ZFHX3: variants seen among roughly 807,000 people sequenced by gnomAD.
The protein encoded by ZFHX3 is zinc finger homeobox protein 3.
ZFHX3 carries 42 observed loss-of-function variants against 279.1 expected under a neutral mutation model. That is an observed-to-expected ratio of 0.15 (90% CI 0.12 to 0.19). The LOEUF (loss-of-function observed/expected upper bound fraction) is 0.19. Ranked by LOEUF, ZFHX3 falls within the 10% of genes least tolerant of loss-of-function variation. The pLI, the probability that ZFHX3 is intolerant of heterozygous loss-of-function variation, is 1.00. For missense variants in ZFHX3, 4,981 were observed against 4,754.0 expected (o/e 1.05, Z -1.40); for synonymous variants, 2,293 against 1,957.8 (o/e 1.17, Z -4.52).
intron 2 of ZFHX3, among the ~76,000 whole-genome samples, chr16:73,618,242 T>A (rs1396503466): frequency 6.6e-6 from 1 of 152,196 alleles, no homozygotes. Flanking sequence ...ACCATCACCA[T>A]CCTCTGGTGC....
In ZFHX3 at chr16:72,958,694, CTCT is replaced by C. The variant is rs1205714978; in HGVS notation, c.1449_1451del (p.Glu487del). On this transcript the variant is annotated inframe_deletion, in exon 2 of 10. Coordinates refer to ENST00000268489, the MANE Select transcript of ZFHX3 (RefSeq NM_006885.4). ...CTTTGCAACCCTCGTCTTCCTCCTC[CTCT>C]TCTTCCTCCTCCTCTTCTTCCTCCT... The C allele has an allele frequency of 3.1e-6, 5 of 1,611,420 alleles. No individual in the cohort carries two copies. Among genetic ancestry groups the C allele is most frequent in the African/African-American group, 1.3e-5 (1 of 74,712 alleles).
intron 5 of ZFHX3, chr16:72,821,897 G>C (rs2036801844): frequency 6.6e-6 from 1 of 152,188 alleles, no homozygotes; most frequent in Non-Finnish European, 1.5e-5. Context: ...TAAAACCATA[G>C]AACGAGGGGA....
At chr16:72,841,352 A>G (rs531926722) in intron 4 of ZFHX3, among the ~76,000 whole-genome samples, 2 of 152,336 alleles carry the variant, frequency 1.3e-5, no homozygotes, top group South Asian at 4.1e-4. Context: ...GGTACAGAGA[A>G]AATCCAAAGG....
chr16:73,248,031 G>A (rs1031096358), intron 5 of ZFHX3, among the ~76,000 whole-genome samples: 3 of 151,734 alleles, frequency 2.0e-5, no homozygotes, highest in Non-Finnish European at 4.4e-5. Context: ...ATGTGTGTGT[G>A]TATATGTACC....
chr16:73,883,659 G>T (rs910046790), intron 1 of ZFHX3, among the ~76,000 whole-genome samples: 2 of 151,862 alleles, frequency 1.3e-5, no homozygotes, highest in African/African-American at 4.8e-5. Context: ...TTTTGGAAAA[G>T]TGTGGCCAGC....
intron 3 of ZFHX3, among the ~76,000 whole-genome samples, chr16:73,352,469 TCTCTC>T (rs760657300): frequency 1.3e-4 from 16 of 125,108 alleles, no homozygotes; most frequent in African/African-American, 4.8e-4. Context: ...TCTCTCTCTC[TCTCTC>T]TTTTTTTTTT....
rs80215277 is a variant in ZFHX3 at position 72,888,189 on chromosome 16, T to C, written c.3448+1542A>G. On this transcript the variant is annotated intron_variant, in intron 4 of 9. Coordinates refer to ENST00000268489, the MANE Select transcript of ZFHX3 (RefSeq NM_006885.4). ...CTTCTCCATAAAGTTTATGTAACTT[T>C]TTGCCTTTAAAAAATATAAAAATGT... is the stretch of plus-strand genomic sequence containing the variant. Among the ~76,000 whole-genome samples the C allele has an allele frequency of 5.9e-3, 892 of 152,290 alleles. 22 individuals carry two copies. The highest frequency in any genetic ancestry group is 0.056 in the East Asian group (292 of 5,182).
At chr16:73,440,710 C>T (rs1355410226) in intron 3 of ZFHX3, among the ~76,000 whole-genome samples, 1 of 152,142 alleles carries the variant, frequency 6.6e-6, no homozygotes, top group Non-Finnish European at 1.5e-5. Context: ...ATTTTCAGGA[C>T]CTAAGGGAAC....
intron 3 of ZFHX3, among the ~76,000 whole-genome samples, chr16:73,437,056 A>G (rs1597335317): frequency 6.6e-6 from 1 of 152,200 alleles, no homozygotes; most frequent in Non-Finnish European, 1.5e-5. Flanking sequence ...TGACACCGCA[A>G]TCTGGAAGCT....
chr16:73,168,226 T>TCTTTCTTTCTTTCTTTCTTC (rs1967430794), intron 5 of ZFHX3, among the ~76,000 whole-genome samples: 1 of 134,698 alleles, frequency 7.4e-6, no homozygotes, highest in South Asian at 2.7e-4. Flanking sequence ...TTTCTTTCTT[T>TCTTTCTTTCTTTCTTTCTTC]CTTTCTTTCT....
At chr16:73,760,996 G>GAAAAAAAAAAAAAAAAAA (rs34146928) in intron 1 of ZFHX3, among the ~76,000 whole-genome samples, 1 of 142,086 alleles carries the variant, frequency 7.0e-6, no homozygotes. Flanking sequence ...GCAAGAAAAA[G>GAAAAAAAAAAAAAAAAAA]AAAAAAAAAA....
intron 3 of ZFHX3, among the ~76,000 whole-genome samples, chr16:72,940,434 A>G (rs770806969): frequency 7.9e-5 from 12 of 152,168 alleles, no homozygotes; most frequent in Non-Finnish European, 1.6e-4. Flanking sequence ...AGAAGAAGTC[A>G]GGGTAGCCAA....
At chr16:73,449,431 G>A (rs1428916000) in intron 3 of ZFHX3, among the ~76,000 whole-genome samples, 2 of 152,136 alleles carry the variant, frequency 1.3e-5, no homozygotes, top group Admixed American at 1.3e-4. Context: ...GAAGGCTGAG[G>A]CGGGAGGATT....
intron 2 of ZFHX3, among the ~76,000 whole-genome samples, chr16:73,527,228 G>A (rs1016335314): frequency 1.3e-5 from 2 of 152,168 alleles, no homozygotes; most frequent in African/African-American, 4.8e-5. Context: ...AAGAGTTCAG[G>A]TGGTGAAGGT....
intron 1 of ZFHX3, among the ~76,000 whole-genome samples, chr16:73,867,584 A>G (rs1962058696): frequency 6.6e-6 from 1 of 152,222 alleles, no homozygotes; most frequent in Non-Finnish European, 1.5e-5. Flanking sequence ...CTTACAGACC[A>G]GTGTTCTTTT....
At chr16:73,197,585 A>G (rs928420775) in intron 5 of ZFHX3, among the ~76,000 whole-genome samples, 12 of 152,210 alleles carry the variant, frequency 7.9e-5, no homozygotes, top group African/African-American at 2.9e-4. Flanking sequence ...ACTTATCTGG[A>G]TATTTCAGAG....
chr16:73,552,030 T>TGA (rs900870267), intron 2 of ZFHX3, among the ~76,000 whole-genome samples: 11 of 151,606 alleles, frequency 7.3e-5, no homozygotes, highest in Non-Finnish European at 1.0e-4. Context: ...TGTGTGTGTG[T>TGA]GAGAGAGAGA....
At chr16:72,825,450 A>G (rs1174513045) in intron 5 of ZFHX3, among the ~76,000 whole-genome samples, 2 of 152,260 alleles carry the variant, frequency 1.3e-5, no homozygotes. Context: ...CTAAGTTAGA[A>G]TAAGTGCAAA....
intron 1 of ZFHX3, among the ~76,000 whole-genome samples, chr16:73,734,643 T>C (rs188629186): frequency 1.8e-4 from 28 of 152,310 alleles, no homozygotes; most frequent in African/African-American, 6.0e-4. Flanking sequence ...CACTTAAAAG[T>C]ATGATGGCTT....
Sources: gnomAD v4.1 joint callset for allele counts (sites outside exome capture counted in the v4.1 genomes callset) on GRCh38, gnomAD v4.1.1 for gene constraint, MANE v1.5 for transcripts, NCBI Gene and HGNC (gene_info 2026-07-23, HGNC 2026-07-21) for gene names.